Variants in NALCN observed in about 807,000 individuals in gnomAD.
NALCN encodes the protein sodium leak channel, non-selective.
In NALCN, 111 loss-of-function variants were observed where a neutral mutation model predicts 225.3. That is an observed-to-expected ratio of 0.49 (90% CI 0.42 to 0.58). NALCN has a LOEUF of 0.58. NALCN is among the 20% of genes least tolerant of loss of function. NALCN has a pLI of 0.00. For synonymous variants in NALCN, 764 were observed against 769.0 expected, an observed-to-expected ratio of 0.99 and a Z score of 0.11; for missense variants, 1,378 against 2,202.4, an observed-to-expected ratio of 0.63 and a Z score of 7.49.
At chr13:101,205,184 T>G (rs2040264620) in intron 13 of NALCN, among the ~76,000 whole-genome samples, 2 of 152,124 alleles carry the variant, frequency 1.3e-5, no homozygotes, top group African/African-American at 2.4e-5. Context: ...CTCAGCAATA[T>G]CTAAAAATTT....
chr13:101,106,645 C>A (rs2035121465), intron 22 of NALCN, among the ~76,000 whole-genome samples: 1 of 152,136 alleles, frequency 6.6e-6, no homozygotes, highest in Non-Finnish European at 1.5e-5. Flanking sequence ...CCATACTGTT[C>A]TTGTGGTGGT....
At chr13:101,133,790 T>C (rs1214755809) in intron 17 of NALCN, among the ~76,000 whole-genome samples, 5 of 152,240 alleles carry the variant, frequency 3.3e-5, no homozygotes, top group African/African-American at 1.2e-4. Flanking sequence ...TAAAGGTGAA[T>C]ACCATTATAA....
chr13:101,242,166 C>A lies in NALCN; in HGVS notation c.1267-4244G>T, dbSNP rs556439584. On this transcript the variant is annotated intron_variant, in intron 11 of 43. Coordinates refer to ENST00000251127, the MANE Select transcript of NALCN (RefSeq NM_052867.4). Reference sequence around the variant, plus strand: ...GTACAATTTTTATTTTGTGTTTAAACATACTCAGATTTTCTAGGGTTTTTG... The same window carrying A: ...GTACAATTTTTATTTTGTGTTTAAAAATACTCAGATTTTCTAGGGTTTTTG... Among the ~76,000 whole-genome samples, 2 of 106,156 alleles carry A rather than the reference C, an allele frequency of 1.9e-5. 1 individual carries two copies. The highest frequency in any genetic ancestry group is 6.7e-5 in the African/African-American group (2 of 29,632). The allele number at this position is 106,156 out of a possible 152,430, so 69.6% of individuals were successfully genotyped here.
intron 3 of NALCN, among the ~76,000 whole-genome samples, chr13:101,387,245 A>T (rs1044670051): frequency 1.3e-5 from 2 of 149,964 alleles, no homozygotes; most frequent in Non-Finnish European, 3.0e-5. Context: ...AAAAAAAAAA[A>T]AAAAAAAAAC....
chr13:101,240,308 C>G (rs1344432246), intron 11 of NALCN, among the ~76,000 whole-genome samples: 1 of 151,570 alleles, frequency 6.6e-6, no homozygotes. Flanking sequence ...AAGTTTTTTC[C>G]ATATAAATAT....
At chr13:101,214,808 T>G (rs1387799827) in intron 13 of NALCN, among the ~76,000 whole-genome samples, 3 of 152,088 alleles carry the variant, frequency 2.0e-5, no homozygotes, top group Non-Finnish European at 4.4e-5. Flanking sequence ...GTTATTGGTT[T>G]TAAACCTCAG....
Position 101,218,222 on chromosome 13 carries a change from T to C in NALCN, c.1626+11171A>G, listed in dbSNP as rs147230628. On this transcript the variant is annotated intron_variant, in intron 13 of 43. Transcript: ENST00000251127. The stretch of plus-strand genomic sequence containing the variant: ...CATCAGGAAGCCTGGAAATGTCACA[T>C]CCATTTTGCTAACATAGGAAGACAA... Among the ~76,000 whole-genome samples, 302 of 152,196 alleles carry C rather than the reference T, an allele frequency of 2.0e-3. 1 individual carries two copies. Among genetic ancestry groups the C allele is most frequent in the African/African-American group, 7.1e-3 (295 of 41,540 alleles).
chr13:101,205,213 C>T (rs1267925981), intron 13 of NALCN, among the ~76,000 whole-genome samples: 1 of 152,040 alleles, frequency 6.6e-6, no homozygotes, highest in African/African-American at 2.4e-5. Context: ...TTTTTTCCAG[C>T]ACACCTATAT....
intron 37 of NALCN, among the ~76,000 whole-genome samples, chr13:101,071,734 T>C (rs1409965532): frequency 6.6e-6 from 1 of 152,234 alleles, no homozygotes; most frequent in Non-Finnish European, 1.5e-5. Context: ...TTAATTCCCT[T>C]CAAGAACTTT....
In NALCN at chr13:101,237,560, C is replaced by T. The variant is rs767542751; in HGVS notation, c.1434+195G>A. Reference sequence around the variant, plus strand: ...GTGAATTTTCAGGAGTTTTAAAAAGCGATTGTTACAATTTGTGAATGCACT... The same window carrying T: ...GTGAATTTTCAGGAGTTTTAAAAAGTGATTGTTACAATTTGTGAATGCACT... On this transcript the variant is annotated intron_variant, in intron 12 of 43. Transcript: ENST00000251127. 4.6e-5 allele frequency among the ~76,000 whole-genome samples: 7 copies of T among 151,544 alleles called. No individual in the cohort carries two copies. The South Asian group carries it at 1.0e-3, about 23-fold the overall frequency.
In NALCN at chr13:101,090,104, G is replaced by C. The variant is rs1163170101; in HGVS notation, c.3270-138C>G. The C allele has an allele frequency of 2.4e-6, 3 of 1,242,766 alleles. No individual in the cohort carries two copies. In the African/African-American group the frequency reaches 4.5e-5, roughly 19 times the overall value. The allele number at this position is 1,242,766 out of a possible 1,614,324, so 77.0% of individuals were successfully genotyped here. The stretch of plus-strand genomic sequence containing the variant: ...TACACACACATATATACACACACAC[G>C]TGTGCGTGCACACACACATACATAT... On this transcript the variant is annotated intron_variant, in intron 28 of 43. Transcript: ENST00000251127.
intron 15 of NALCN, among the ~76,000 whole-genome samples, chr13:101,158,792 T>C (rs1207066773): frequency 6.6e-6 from 1 of 152,204 alleles, no homozygotes; most frequent in Non-Finnish European, 1.5e-5. Context: ...CTGGAAGTCC[T>C]CTCTTGCGCT....
At chr13:101,341,484 A>C (rs1342862892) in intron 7 of NALCN, among the ~76,000 whole-genome samples, 1 of 152,128 alleles carries the variant, frequency 6.6e-6, no homozygotes, top group Non-Finnish European at 1.5e-5. Context: ...TTTTACTAAG[A>C]TGTGTCTCAG....
intron 37 of NALCN, among the ~76,000 whole-genome samples, chr13:101,070,739 G>A (rs2032817199): frequency 6.6e-6 from 1 of 152,136 alleles, no homozygotes; most frequent in Non-Finnish European, 1.5e-5. Context: ...TGTCATCCAG[G>A]CTTTGTTGTT....
intron 3 of NALCN, among the ~76,000 whole-genome samples, chr13:101,379,430 A>C (rs1026598818): frequency 3.3e-5 from 5 of 152,196 alleles, no homozygotes; most frequent in African/African-American, 1.2e-4. Context: ...TGTTTATTGC[A>C]GCACTATTCA....
At chr13:101,198,264 T>C (rs2039971030) in intron 13 of NALCN, among the ~76,000 whole-genome samples, 1 of 152,122 alleles carries the variant, frequency 6.6e-6, no homozygotes, top group South Asian at 2.1e-4. Flanking sequence ...CCAAAAGGAA[T>C]GGCAACAAAA....
chr13:101,249,728 T>A (rs967327445), intron 11 of NALCN, among the ~76,000 whole-genome samples: 1 of 152,086 alleles, frequency 6.6e-6, no homozygotes, highest in African/African-American at 2.4e-5. Flanking sequence ...CTTGGCAACC[T>A]AGAAATAGAA....
At chr13:101,283,108 A>G (rs1398531704) in intron 10 of NALCN, among the ~76,000 whole-genome samples, 1 of 152,250 alleles carries the variant, frequency 6.6e-6, no homozygotes, top group Non-Finnish European at 1.5e-5. Context: ...AAAATTCTCC[A>G]GGTGGAAGAA....
At chr13:101,212,641 T>C (rs1347955064) in intron 13 of NALCN, among the ~76,000 whole-genome samples, 1 of 152,184 alleles carries the variant, frequency 6.6e-6, no homozygotes, top group Non-Finnish European at 1.5e-5. Context: ...TTGTGAAAGA[T>C]GATTTTCAGT....
Sources: allele counts gnomAD v4.1 joint callset (sites outside exome capture counted in the v4.1 genomes callset), GRCh38; gene constraint gnomAD v4.1.1; transcripts MANE v1.5; gene names NCBI Gene and HGNC (gene_info 2026-07-23, HGNC 2026-07-21).